ADAM22: variants seen among roughly 807,000 people sequenced by gnomAD.
The protein encoded by ADAM22 is disintegrin and metalloproteinase domain-containing protein 22.
In ADAM22, 65 loss-of-function variants were observed where a neutral mutation model predicts 144.6. That is an observed-to-expected ratio of 0.45 (90% confidence interval 0.37 to 0.55). ADAM22 has a LOEUF of 0.55. Among genes scored for constraint, ADAM22 ranks in the 20% least tolerant of loss-of-function variants. The pLI, the probability that ADAM22 is intolerant of heterozygous loss-of-function variation, is 0.00. For synonymous variants in ADAM22, 391 were observed against 412.6 expected (o/e 0.95, Z 0.63); for missense variants, 974 against 1,184.9 (o/e 0.82, Z 2.61).
chr7:88,132,617 T>C (rs1238539278), intron 11 of ADAM22: 1 of 354,844 alleles, frequency 2.8e-6, no homozygotes, highest in African/African-American at 2.1e-5. Context: ...GAGTACATCA[T>C]ATCAACCAAT....
At chr7:88,143,230 G>T (rs1835329402) in intron 15 of ADAM22, 105 bp downstream of exon 15, 1 of 753,398 alleles carries the variant, frequency 1.3e-6, no homozygotes, top group Admixed American at 2.3e-5. Context: ...TTTTCAACTT[G>T]CCCTGTATGT....
chr7:88,191,796 T>C (rs900483854), intron 30 of ADAM22, among the ~76,000 whole-genome samples: 3 of 152,166 alleles, frequency 2.0e-5, no homozygotes, highest in African/African-American at 7.2e-5. Flanking sequence ...GTCCTAGCCA[T>C]TTTTCAAAAA....
intron 4 of ADAM22, among the ~76,000 whole-genome samples, chr7:88,076,549 G>A (rs1585475632): frequency 6.8e-6 from 1 of 146,942 alleles, no homozygotes; most frequent in East Asian, 2.2e-4. Context: ...CCAGTAAAAT[G>A]TAAAATTGTT....
At chr7:88,051,951 T>G (rs926091886) in intron 3 of ADAM22, among the ~76,000 whole-genome samples, 1 of 152,200 alleles carries the variant, frequency 6.6e-6, no homozygotes, top group African/African-American at 2.4e-5. Context: ...AGGGCATCCT[T>G]AAATATCCCT....
chr7:87,956,821 A>T (rs1342510538), intron 2 of ADAM22, among the ~76,000 whole-genome samples: 1 of 152,136 alleles, frequency 6.6e-6, no homozygotes, highest in Non-Finnish European at 1.5e-5. Flanking sequence ...ATTCATTTTG[A>T]TGGACATTTG....
chr7:88,128,569 G>T, intron 8 of ADAM22, 33 bp from the exon 9 acceptor site: 1 of 1,569,342 alleles, frequency 6.4e-7, no homozygotes, highest in South Asian at 1.1e-5. Flanking sequence ...TTAGAGGGCT[G>T]AATTAGGTGC....
intron 4 of ADAM22, among the ~76,000 whole-genome samples, chr7:88,086,577 A>G (rs1413641236): frequency 2.6e-5 from 4 of 152,216 alleles, no homozygotes; most frequent in Admixed American, 2.0e-4. Context: ...TTTATTTTCA[A>G]TCCATTTAAA....
chr7:88,043,377 C>T (rs56739530), intron 3 of ADAM22, among the ~76,000 whole-genome samples: 4,486 of 150,666 alleles, frequency 0.03, 213 homozygotes, highest in African/African-American at 0.1. Context: ...CCCAGCTACT[C>T]GGGAGGCTGA....
intron 2 of ADAM22, 36 bp downstream of exon 2, chr7:87,935,222 C>T: frequency 6.5e-7 from 1 of 1,531,792 alleles, no homozygotes; most frequent in African/African-American, 1.4e-5. Flanking sequence ...TCCTCCGCGC[C>T]TCCCGGCCCA....
At chr7:88,194,147 T>A (rs1260726606) in intron 31 of ADAM22, among the ~76,000 whole-genome samples, 5 of 152,196 alleles carry the variant, frequency 3.3e-5, no homozygotes, top group Non-Finnish European at 5.9e-5. Flanking sequence ...GAGACTGAGG[T>A]CATTCCTGCC....
At chr7:88,121,405 G>T (rs1417585588) in intron 7 of ADAM22, among the ~76,000 whole-genome samples, 1 of 151,968 alleles carries the variant, frequency 6.6e-6, no homozygotes, top group Non-Finnish European at 1.5e-5. Context: ...ATCTATTGCT[G>T]TATAAGAAAT....
intron 2 of ADAM22, among the ~76,000 whole-genome samples, chr7:87,974,486 G>C (rs922216130): frequency 9.2e-5 from 14 of 152,248 alleles, no homozygotes; most frequent in Non-Finnish European, 1.9e-4. Flanking sequence ...GTTTGGGTGA[G>C]AAGTCCTGTG....
At chr7:88,065,493 A>C (rs1222680577) in intron 3 of ADAM22, among the ~76,000 whole-genome samples, 2 of 152,100 alleles carry the variant, frequency 1.3e-5, no homozygotes, top group Admixed American at 1.3e-4. Context: ...GTGCCAAAAT[A>C]AGATCAGTAA....
At chr7:88,027,788 T>C (rs1466369085) in intron 3 of ADAM22, among the ~76,000 whole-genome samples, 1 of 152,080 alleles carries the variant, frequency 6.6e-6, no homozygotes, top group Non-Finnish European at 1.5e-5. Flanking sequence ...ATTAGGTTGT[T>C]TATTTGAGCT....
intron 6 of ADAM22, among the ~76,000 whole-genome samples, chr7:88,116,303 G>A (rs1398897636): frequency 2.6e-5 from 4 of 151,980 alleles, no homozygotes; most frequent in Admixed American, 6.6e-5. Context: ...TCAGAACAGG[G>A]TCCACTTTGG....
intron 5 of ADAM22, among the ~76,000 whole-genome samples, chr7:88,113,354 C>T (rs1782583169): frequency 6.6e-6 from 1 of 151,700 alleles, no homozygotes; most frequent in Non-Finnish European, 1.5e-5. Flanking sequence ...TATTACTGCT[C>T]TGATCTAAGC....
intron 17 of ADAM22, among the ~76,000 whole-genome samples, chr7:88,148,048 T>C (rs1837074858): frequency 6.6e-6 from 1 of 152,100 alleles, no homozygotes. Context: ...TAAAAAAAAA[T>C]ACTTGTTGAA....
At chr7:88,033,497 C>T (rs1800777611) in intron 3 of ADAM22, among the ~76,000 whole-genome samples, 2 of 152,250 alleles carry the variant, frequency 1.3e-5, no homozygotes, top group Admixed American at 1.3e-4. Context: ...GGTTCAGACC[C>T]AGAGCTAACA....
intron 3 of ADAM22, among the ~76,000 whole-genome samples, chr7:88,022,524 G>A (rs1245860312): frequency 1.3e-5 from 2 of 152,108 alleles, no homozygotes; most frequent in East Asian, 3.8e-4. Context: ...TTTAGTTTAA[G>A]TAATAGGAAA....
Sources: gnomAD v4.1 joint callset for allele counts (sites outside exome capture counted in the v4.1 genomes callset) on GRCh38, gnomAD v4.1.1 for gene constraint, MANE v1.5 for transcripts, NCBI Gene and HGNC (gene_info 2026-07-23, HGNC 2026-07-21) for gene names.